The following NRXN1 variants were observed in gnomAD, a reference collection of about 807,000 sequenced individuals.
NRXN1 encodes the protein neurexin-1.
Under a neutral mutation model 150.9 loss-of-function variants are expected in NRXN1, and 39 were observed. The observed-to-expected ratio is 0.26, with a 90% CI of 0.20 to 0.34. NRXN1 has a LOEUF of 0.34. Ranked by LOEUF, NRXN1 falls within the 10% of genes least tolerant of loss-of-function variation. NRXN1 has a pLI of 1.00. For synonymous variants in NRXN1, 924 were observed against 757.0 expected (o/e 1.22, Z -3.62); for missense variants, 1,815 against 1,949.9 (o/e 0.93, Z 1.30).
chr2:49,946,146 C>A (rs1672850991), intron 21 of NRXN1, among the ~76,000 whole-genome samples: 1 of 152,114 alleles, frequency 6.6e-6, no homozygotes, highest in South Asian at 2.1e-4. Context: ...TGATGATGAG[C>A]TTTTTTTCAT....
intron 19 of NRXN1, among the ~76,000 whole-genome samples, chr2:50,082,403 G>A (rs1342622838): frequency 6.6e-6 from 1 of 152,118 alleles, no homozygotes; most frequent in Non-Finnish European, 1.5e-5. Flanking sequence ...AACAATAATG[G>A]CAGACAAGAA....
chr2:50,896,949 C>T (rs952272738), intron 5 of NRXN1, among the ~76,000 whole-genome samples: 3 of 152,164 alleles, frequency 2.0e-5, no homozygotes, highest in African/African-American at 4.8e-5. Flanking sequence ...CTACAGCCAG[C>T]GCCCTGAGAT....
chr2:50,137,953 T>G (rs1041978117), intron 18 of NRXN1, among the ~76,000 whole-genome samples: 1 of 152,218 alleles, frequency 6.6e-6, no homozygotes, highest in East Asian at 1.9e-4. Flanking sequence ...GACATTTTAC[T>G]TTGCCAGTTA....
intron 19 of NRXN1, among the ~76,000 whole-genome samples, chr2:50,064,792 A>C (rs959998526): frequency 1.3e-5 from 2 of 152,210 alleles, no homozygotes; most frequent in Non-Finnish European, 2.9e-5. Flanking sequence ...TCATTTAACC[A>C]AGGCAAAAAT....
intron 17 of NRXN1, among the ~76,000 whole-genome samples, chr2:50,316,895 G>A (rs150173379): frequency 2.1e-4 from 32 of 152,034 alleles, no homozygotes; most frequent in African/African-American, 7.0e-4. Flanking sequence ...TATCTACTAT[G>A]AGATTTCTTT....
At chr2:49,933,590 T>G (rs1030772646) in intron 22 of NRXN1, among the ~76,000 whole-genome samples, 3 of 152,126 alleles carry the variant, frequency 2.0e-5, no homozygotes, top group African/African-American at 7.2e-5. Context: ...AGTGACAGTT[T>G]GCAGTTCATT....
chr2:50,138,725 T>G (rs1353896017), intron 18 of NRXN1, among the ~76,000 whole-genome samples: 2 of 152,224 alleles, frequency 1.3e-5, no homozygotes, highest in Admixed American at 6.5e-5. Flanking sequence ...CTGTGGGCTG[T>G]GCCGCCCTCT....
chr2:50,882,145 A>G (rs1280938726), intron 5 of NRXN1, among the ~76,000 whole-genome samples: 2 of 151,914 alleles, frequency 1.3e-5, no homozygotes, highest in Admixed American at 1.3e-4. Flanking sequence ...ATTTCTAAAG[A>G]CTGAATTAGG....
rs1428653491 is a variant in NRXN1, at chr2:50,259,069, G to C, written c.3365-22099C>G. 2.6e-5 allele frequency among the ~76,000 whole-genome samples: 4 copies of C among 151,992 alleles called. No homozygotes were observed. In the East Asian group the frequency reaches 5.8e-4, roughly 22 times the overall value. On this transcript the variant is annotated intron_variant, in intron 17 of 22. Transcript: ENST00000401669. ...TTTTTAGAATGGTTAATAAGCATTG[G>C]CTTCAACTTAAATTCACCAGCTGCA...
chr2:49,961,126 G>A (rs1675861078), intron 21 of NRXN1, among the ~76,000 whole-genome samples: 1 of 151,922 alleles, frequency 6.6e-6, no homozygotes, highest in South Asian at 2.1e-4. Context: ...AAAACTTGCT[G>A]CAAATGATTC....
At chr2:50,777,377 T>C (rs1036845776) in intron 5 of NRXN1, among the ~76,000 whole-genome samples, 5 of 152,160 alleles carry the variant, frequency 3.3e-5, no homozygotes, top group African/African-American at 9.6e-5. Flanking sequence ...GTTAGTTTAC[T>C]ATGAATGTAC....
intron 17 of NRXN1, among the ~76,000 whole-genome samples, chr2:50,409,205 T>G (rs1440728479): frequency 6.6e-6 from 1 of 152,200 alleles, no homozygotes; most frequent in Non-Finnish European, 1.5e-5. Flanking sequence ...GGAAAAGACT[T>G]ATTAGCTCAT....
intron 2 of NRXN1, among the ~76,000 whole-genome samples, chr2:50,938,183 T>C (rs1688827578): frequency 1.3e-5 from 2 of 152,174 alleles, no homozygotes; most frequent in Admixed American, 1.3e-4. Flanking sequence ...TGTGAAAGCC[T>C]AGGACATTAC....
At chr2:50,406,781 C>T (rs934582229) in intron 17 of NRXN1, among the ~76,000 whole-genome samples, 3 of 152,094 alleles carry the variant, frequency 2.0e-5, no homozygotes, top group African/African-American at 7.2e-5. Flanking sequence ...CTTCCATGTA[C>T]CTTTAAAACC....
At chr2:50,638,302 C>A (rs1215408343) in intron 5 of NRXN1, among the ~76,000 whole-genome samples, 1 of 152,034 alleles carries the variant, frequency 6.6e-6, no homozygotes, top group East Asian at 1.9e-4. Flanking sequence ...TTCCAATGAC[C>A]AGTTTATTTT....
chr2:50,997,556 G>A lies in NRXN1; in HGVS notation c.772+29946C>T, dbSNP rs190914580. ...AGGCTCTCACTCTGTGCCCTAGGCT[G>A]GAGTGCAGTGGCATGATCATACAGC... On this transcript the variant is annotated intron_variant, in intron 2 of 22. Transcript: ENST00000401669. 4.5e-4 allele frequency among the ~76,000 whole-genome samples: 64 copies of A among 140,802 alleles called. 19 individuals are homozygous for A. Among genetic ancestry groups the A allele is most frequent in the African/African-American group, 1.9e-3 (62 of 33,332 alleles). 92.4% of individuals were successfully genotyped at this position (140,802 alleles called of 152,430 possible).
At chr2:50,953,751 A>G (rs1691808405) in intron 2 of NRXN1, among the ~76,000 whole-genome samples, 1 of 151,876 alleles carries the variant, frequency 6.6e-6, no homozygotes, top group Non-Finnish European at 1.5e-5. Flanking sequence ...AGTAGAGACG[A>G]AATTTCACCA....
At chr2:50,579,363 C>T (rs1177573837) in intron 8 of NRXN1, among the ~76,000 whole-genome samples, 1 of 152,206 alleles carries the variant, frequency 6.6e-6, no homozygotes, top group East Asian at 1.9e-4. Flanking sequence ...GAACCCTAAT[C>T]TAATTTAGAG....
At chr2:50,167,790 G>A (rs2059777249) in intron 18 of NRXN1, among the ~76,000 whole-genome samples, 1 of 152,120 alleles carries the variant, frequency 6.6e-6, no homozygotes, top group Non-Finnish European at 1.5e-5. Context: ...CTGGAGTTCA[G>A]TTTGTTTATT....
Sources: allele counts gnomAD v4.1 joint callset (sites outside exome capture counted in the v4.1 genomes callset), GRCh38; gene constraint gnomAD v4.1.1; transcripts MANE v1.5; gene names NCBI Gene and HGNC (gene_info 2026-07-23, HGNC 2026-07-21).